The following NBAS variants were observed in gnomAD, a reference collection of about 807,000 sequenced individuals.
The protein encoded by NBAS is NAG/BC035112 fusion.
Under a neutral mutation model 302.5 loss-of-function variants are expected in NBAS, and 219 were observed. That is an observed-to-expected ratio of 0.72 (90% CI 0.65 to 0.81). The LOEUF is 0.81. NBAS is among the 30% of genes least tolerant of loss of function. The probability of loss-of-function intolerance (pLI) is 0.00; values close to 1 mark genes in which losing one functional copy is unlikely to be tolerated. For missense variants in NBAS, 2,932 were observed against 2,841.6 expected (o/e 1.03, Z -0.72); for synonymous variants, 1,118 against 1,021.6 (o/e 1.09, Z -1.80).
At chr2:15,163,921 CG>C (rs747610311), downstream of NBAS, among the ~76,000 whole-genome samples, 11 of 152,040 alleles carry the variant, frequency 7.2e-5, no homozygotes, top group Non-Finnish European at 1.5e-4. Flanking sequence ...CTCAGCCTCC[CG>C]AGTAGCTGGG....
At chr2:14,855,001 C>T in the NBAS span, among the ~76,000 whole-genome samples, 2 of 152,128 alleles carry the variant, frequency 1.3e-5, no homozygotes, top group South Asian at 2.1e-4. Flanking sequence ...ATCATGGTTC[C>T]AAAAGAGACC....
Position 15,467,824 on chromosome 2 carries a change from A to T in NBAS, c.1878-20T>A. 6.4e-7 allele frequency: 1 copy of T among 1,552,078 alleles called. No homozygotes were observed. Among genetic ancestry groups the T allele is most frequent in the Non-Finnish European group, 8.9e-7 (1 of 1,127,804 alleles). On this transcript the variant is annotated intron_variant, in intron 17 of 51. Transcript: ENST00000281513. ...GTAAATCTGCAAGTATAAAAGAACA[A>T]ATATATTTTCATCATTTTTAAAAAC...
At chr2:15,535,565 A>AAT (rs1315864463) in intron 8 of NBAS, among the ~76,000 whole-genome samples, 1 of 135,814 alleles carries the variant, frequency 7.4e-6, no homozygotes. Flanking sequence ...TAAATAAATA[A>AAT]AAATAAAAAA....
chr2:15,538,273 GC>G, intron 7 of NBAS: 4 of 369,838 alleles, frequency 1.1e-5, no homozygotes, highest in South Asian at 6.7e-5. Flanking sequence ...ATTTCTTTTA[GC>G]CAGAAATAGT....
chr2:15,444,886 C>T (rs1678640903), intron 21 of NBAS, among the ~76,000 whole-genome samples: 1 of 151,698 alleles, frequency 6.6e-6, no homozygotes. Flanking sequence ...TTTATGCAGC[C>T]AAAAAACACA....
the NBAS span, among the ~76,000 whole-genome samples, chr2:14,800,785 G>GTTTTTTTTTTTTTTTTTT: frequency 1.0e-4 from 13 of 129,526 alleles, 2 homozygotes; most frequent in Non-Finnish European, 1.3e-4. Context: ...GATTTAAATT[G>GTTTTTTTTTTTTTTTTTT]TTTTTGTTTT....
At chr2:15,089,986 GA>G in the NBAS span, among the ~76,000 whole-genome samples, 1 of 152,120 alleles carries the variant, frequency 6.6e-6, no homozygotes. Context: ...CTGACCTCAT[GA>G]TCCGCCCACC....
In NBAS at chr2:15,520,729, T is replaced by C. The variant is rs73915334; in HGVS notation, c.747-9379A>G. 6.2e-3 allele frequency among the ~76,000 whole-genome samples: 950 copies of C among 152,342 alleles called. 13 individuals carry two copies. The highest frequency in any genetic ancestry group is 0.022 in the African/African-American group (899 of 41,580). Reference sequence around the variant, plus strand: ...GATTTTCATGTATGATAAAATATTCTTTTGAGGTTTTTTTCAACAATTTAA... The same window carrying C: ...GATTTTCATGTATGATAAAATATTCCTTTGAGGTTTTTTTCAACAATTTAA... On this transcript the variant is annotated intron_variant, in intron 9 of 51. Transcript: ENST00000281513.
chr2:14,783,480 C>A, the NBAS span, among the ~76,000 whole-genome samples: 1 of 124,288 alleles, frequency 8.0e-6, no homozygotes, highest in Admixed American at 9.2e-5. Context: ...CTCCCCCCAC[C>A]CCGCAACAGT....
At chr2:14,958,133 C>G in the NBAS span, among the ~76,000 whole-genome samples, 1 of 152,202 alleles carries the variant, frequency 6.6e-6, no homozygotes, top group Non-Finnish European at 1.5e-5. Flanking sequence ...AGGAACTATA[C>G]TTTTCTCTTC....
At chr2:15,151,805 T>C in the NBAS span, among the ~76,000 whole-genome samples, 1 of 152,192 alleles carries the variant, frequency 6.6e-6, no homozygotes, top group Non-Finnish European at 1.5e-5. Flanking sequence ...CTGACAGCCA[T>C]CACAATAGTC....
At chr2:15,516,054 C>T (rs1172039981) in intron 9 of NBAS, among the ~76,000 whole-genome samples, 4 of 152,094 alleles carry the variant, frequency 2.6e-5, no homozygotes, top group Non-Finnish European at 5.9e-5. Flanking sequence ...CAAAACAATG[C>T]TAAGCCAAGA....
In NBAS at chr2:15,253,411, T is replaced by C. The variant is rs578218234; in HGVS notation, c.5725-14725A>G. Among the ~76,000 whole-genome samples, 781 of 152,124 alleles carry C rather than the reference T, an allele frequency of 5.1e-3. 3 individuals carry two copies. The highest frequency in any genetic ancestry group is 0.016 in the African/African-American group (664 of 41,500). On this transcript the variant is annotated intron_variant, in intron 44 of 51. Transcript: ENST00000281513. ...TGTATGCGTGTGCTTAGGCAAGGGA[T>C]TGTCCAGCAAGAGAAGAGATGCAAA...
chr2:15,053,943 A>G, the NBAS span, among the ~76,000 whole-genome samples: 1 of 43,122 alleles, frequency 2.3e-5, no homozygotes, highest in Non-Finnish European at 3.8e-5. Context: ...CTCCTTGTGA[A>G]AAAAAAAAAA....
the NBAS span, among the ~76,000 whole-genome samples, chr2:14,810,433 C>G: frequency 2.6e-5 from 4 of 152,212 alleles, no homozygotes; most frequent in Admixed American, 2.6e-4. Flanking sequence ...TGCACAAGCT[C>G]TCTCTTTGCC....
the NBAS span, among the ~76,000 whole-genome samples, chr2:14,931,442 G>T: frequency 3.3e-5 from 5 of 152,148 alleles, no homozygotes; most frequent in African/African-American, 1.2e-4. Flanking sequence ...GCCTAAAAAG[G>T]ACAGATATAC....
the NBAS span, among the ~76,000 whole-genome samples, chr2:15,143,140 C>T: frequency 2.6e-5 from 4 of 152,186 alleles, no homozygotes; most frequent in African/African-American, 9.7e-5. Flanking sequence ...TATCATTTAC[C>T]CCTTTTTGCC....
At chr2:15,443,329 G>C (rs1478443885) in intron 21 of NBAS, among the ~76,000 whole-genome samples, 4 of 151,162 alleles carry the variant, frequency 2.6e-5, no homozygotes, top group African/African-American at 9.7e-5. Context: ...TCATCCCTGG[G>C]ATGCAAGGCT....
the NBAS span, among the ~76,000 whole-genome samples, chr2:14,796,990 TG>T: frequency 1.4e-5 from 2 of 146,868 alleles, no homozygotes; most frequent in African/African-American, 5.1e-5. Context: ...CTCTGGAGGC[TG>T]AGGCAGGAGA....
Sources: allele counts gnomAD v4.1 joint callset (sites outside exome capture counted in the v4.1 genomes callset), GRCh38; gene constraint gnomAD v4.1.1; transcripts MANE v1.5; gene names NCBI Gene and HGNC (gene_info 2026-07-23, HGNC 2026-07-21).